ZNF407: variants seen among roughly 807,000 people sequenced by gnomAD.
The protein encoded by ZNF407 is zinc finger protein 407.
ZNF407 carries 17 observed loss-of-function variants against 131.2 expected under a neutral mutation model. That is an observed-to-expected ratio of 0.13 (90% CI 0.09 to 0.19). The LOEUF is 0.19. Among genes scored for constraint, ZNF407 ranks in the 10% least tolerant of loss-of-function variants. The probability of loss-of-function intolerance (pLI) is 1.00; values close to 1 mark genes in which losing one functional copy is unlikely to be tolerated. For missense variants in ZNF407, 2,681 were observed against 2,830.6 expected (o/e 0.95, Z 1.20); for synonymous variants, 1,156 against 1,062.0 (o/e 1.09, Z -1.72).
At chr18:74,607,336 G>A (rs377397529) in intron 1 of ZNF407, among the ~76,000 whole-genome samples, 1 of 152,166 alleles carries the variant, frequency 6.6e-6, no homozygotes, top group Non-Finnish European at 1.5e-5. Flanking sequence ...CTGATGTGGC[G>A]TTGATCTCTC....
intron 3 of ZNF407, among the ~76,000 whole-genome samples, chr18:74,704,532 C>T (rs1967578959): frequency 6.6e-6 from 1 of 152,146 alleles, no homozygotes; most frequent in Admixed American, 6.5e-5. Context: ...CTTTTTAATA[C>T]ATCACCTCAG....
At chr18:75,054,328 A>C (rs1380850222) in intron 8 of ZNF407, among the ~76,000 whole-genome samples, 1 of 152,244 alleles carries the variant, frequency 6.6e-6, no homozygotes, top group Non-Finnish European at 1.5e-5. Context: ...GTTACTGAGA[A>C]GCAGTTTGCT....
chr18:74,622,737 TGTGA>T (rs916871719), intron 1 of ZNF407, among the ~76,000 whole-genome samples: 8 of 5,144 alleles, frequency 1.6e-3, no homozygotes, highest in Admixed American at 6.5e-3. Flanking sequence ...GGTGTGTGTC[TGTGA>T]GTGTGTGTGT....
intron 8 of ZNF407, among the ~76,000 whole-genome samples, chr18:75,010,427 CA>C (rs1259714376): frequency 6.6e-6 from 1 of 152,124 alleles, no homozygotes; most frequent in Non-Finnish European, 1.5e-5. Flanking sequence ...ACTAAATTCC[CA>C]AAAACAGCAA....
intron 7 of ZNF407, among the ~76,000 whole-genome samples, chr18:74,890,689 T>G (rs902262737): frequency 6.6e-6 from 1 of 152,122 alleles, no homozygotes; most frequent in Non-Finnish European, 1.5e-5. Context: ...TTCCTGCCTT[T>G]AAGGATATAG....
intron 8 of ZNF407, among the ~76,000 whole-genome samples, chr18:74,988,343 T>C (rs919482623): frequency 6.6e-6 from 1 of 152,076 alleles, no homozygotes; most frequent in Non-Finnish European, 1.5e-5. Flanking sequence ...CTTTGAGATA[T>C]TCAGAGATTT....
chr18:74,871,133 A>T (rs1568248989), intron 4 of ZNF407, among the ~76,000 whole-genome samples: 1 of 152,114 alleles, frequency 6.6e-6, no homozygotes, highest in South Asian at 2.1e-4. Flanking sequence ...CGCTCCTGTG[A>T]GTCAGTTGGG....
intron 3 of ZNF407, among the ~76,000 whole-genome samples, chr18:74,657,936 C>CTTCTTCTTCTTCTTCTT (rs1985544019): frequency 7.7e-6 from 1 of 130,564 alleles, no homozygotes; most frequent in African/African-American, 3.3e-5. Context: ...TTCTTCTTCT[C>CTTCTTCTTCTTCTTCTT]CCTCCTTTCT....
intron 8 of ZNF407, among the ~76,000 whole-genome samples, chr18:74,998,506 G>A (rs1374341975): frequency 6.6e-6 from 1 of 152,012 alleles, no homozygotes; most frequent in Non-Finnish European, 1.5e-5. Flanking sequence ...TCACTTCTAT[G>A]TTGATGTACA....
intron 6 of ZNF407, among the ~76,000 whole-genome samples, chr18:74,885,857 A>C (rs1366609303): frequency 6.6e-6 from 1 of 152,186 alleles, no homozygotes; most frequent in African/African-American, 2.4e-5. Flanking sequence ...AAACTATATA[A>C]ATTCTAGAAG....
intron 3 of ZNF407, among the ~76,000 whole-genome samples, chr18:74,745,434 T>C (rs1968646710): frequency 6.6e-6 from 1 of 152,174 alleles, no homozygotes; most frequent in Non-Finnish European, 1.5e-5. Context: ...GTGAAGGATT[T>C]GGAAAATACT....
intron 7 of ZNF407, among the ~76,000 whole-genome samples, chr18:74,904,051 A>G (rs962745228): frequency 6.6e-6 from 1 of 152,182 alleles, no homozygotes; most frequent in Non-Finnish European, 1.5e-5. Context: ...TTCTGTGGCC[A>G]TGAAGGCCCT....
chr18:74,741,721 T>C (rs547762306), intron 3 of ZNF407, among the ~76,000 whole-genome samples: 2 of 152,280 alleles, frequency 1.3e-5, no homozygotes, highest in African/African-American at 4.8e-5. Context: ...TTGTCAGATA[T>C]ACATACCTAA....
chr18:74,825,610 A>G (rs1347269633), intron 4 of ZNF407, among the ~76,000 whole-genome samples: 2 of 152,210 alleles, frequency 1.3e-5, no homozygotes, highest in Non-Finnish European at 2.9e-5. Context: ...TTAGGTGGTC[A>G]AAAATGTATG....
intron 7 of ZNF407, among the ~76,000 whole-genome samples, chr18:74,891,776 G>T (rs1186697756): frequency 6.6e-6 from 1 of 152,134 alleles, no homozygotes; most frequent in Non-Finnish European, 1.5e-5. Flanking sequence ...ACACAGAAAA[G>T]CCATTAGAAA....
At chr18:74,878,835 CA>C (rs201880962) in intron 5 of ZNF407, among the ~76,000 whole-genome samples, 2 of 139,222 alleles carry the variant, frequency 1.4e-5, no homozygotes, top group African/African-American at 2.7e-5. Flanking sequence ...TTTTTTTTCT[CA>C]AAAAAAACAC....
chr18:74,647,187 A>C (rs897578623), intron 3 of ZNF407, among the ~76,000 whole-genome samples: 1 of 152,024 alleles, frequency 6.6e-6, no homozygotes, highest in Non-Finnish European at 1.5e-5. Flanking sequence ...TCATGCCTGT[A>C]ATCCCAGCAC....
intron 3 of ZNF407, among the ~76,000 whole-genome samples, chr18:74,746,144 G>A (rs1204714167): frequency 6.6e-6 from 1 of 152,142 alleles, no homozygotes; most frequent in African/African-American, 2.4e-5. Flanking sequence ...AGTGCTGTGC[G>A]AGTGTACCTA....
intron 1 of ZNF407, among the ~76,000 whole-genome samples, chr18:74,628,451 G>T (rs1289877632): frequency 6.6e-6 from 1 of 152,088 alleles, no homozygotes; most frequent in Non-Finnish European, 1.5e-5. Flanking sequence ...CTATTTTTCT[G>T]TCTGTATAGA....
Sources: allele counts gnomAD v4.1 joint callset (sites outside exome capture counted in the v4.1 genomes callset), GRCh38; gene constraint gnomAD v4.1.1; transcripts MANE v1.5; gene names NCBI Gene and HGNC (gene_info 2026-07-23, HGNC 2026-07-21).